The following SCAF8 variants were observed in gnomAD, a reference collection of about 807,000 sequenced individuals.
SCAF8 encodes the protein SR-related CTD associated factor 8.
In SCAF8, 23 loss-of-function variants were observed where a neutral mutation model predicts 140.5. The ratio of observed to expected loss-of-function variants is 0.16; its 90% CI spans 0.12 to 0.23. SCAF8 has a LOEUF of 0.23. Ranked by LOEUF, SCAF8 falls within the 10% of genes least tolerant of loss-of-function variation. The pLI is 1.00. For missense variants in SCAF8, 1,397 were observed against 1,555.7 expected (o/e 0.90, Z 1.72); for synonymous variants, 575 against 528.9 (o/e 1.09, Z -1.20).
chr6:154,792,955 A>G lies in SCAF8; in HGVS notation c.454A>G (p.Thr152Ala), dbSNP rs781107150. 2 of 1,613,558 alleles carry G rather than the reference A, an allele frequency of 1.2e-6. No individual in the cohort carries two copies. Among genetic ancestry groups the G allele is most frequent in the Non-Finnish European group, 1.7e-6 (2 of 1,179,768 alleles). The stretch of plus-strand genomic sequence containing the variant: ...CACACCTGTTTTGGCCAGCACTACC[A>G]CTGCTATGAGCAATACTCCAGGTAT... ...VVTPVLASTT[T>A]AMSNTPGTPV... Residue 152 changes from threonine (T) to alanine (A), a missense_variant, in exon 5 of 20, where the codon ACT becomes GCT. By Grantham distance (58) the Thr-to-Ala change is moderately conservative. This residue lies in a region of SCAF8 where 339 missense variants were observed against 407.5 expected (regional missense o/e 0.83). Transcript: ENST00000367178.
chr6:154,749,594 A>T (rs1778790591), intron 1 of SCAF8, among the ~76,000 whole-genome samples: 1 of 152,190 alleles, frequency 6.6e-6, no homozygotes, highest in African/African-American at 2.4e-5. Flanking sequence ...GTACACTGTG[A>T]TGTATACAGT....
intron 1 of SCAF8, among the ~76,000 whole-genome samples, chr6:154,743,150 C>T (rs1778614347): frequency 6.6e-6 from 1 of 152,176 alleles, no homozygotes; most frequent in Admixed American, 6.5e-5. Context: ...ATGTTGTTTG[C>T]AGCCTGATCC....
intron 2 of SCAF8, 23 bp from the exon 3 acceptor site, chr6:154,777,978 A>T (rs1776965245): frequency 7.0e-7 from 1 of 1,432,418 alleles, no homozygotes; most frequent in African/African-American, 1.4e-5. Flanking sequence ...TTAAAACCAT[A>T]CTTCATTTTT....
intron 3 of SCAF8, among the ~76,000 whole-genome samples, chr6:154,781,814 C>T (rs1777093863): frequency 6.6e-6 from 1 of 152,256 alleles, no homozygotes; most frequent in African/African-American, 2.4e-5. Context: ...ATAGTGAGTA[C>T]ATGTTTCCAT....
intron 17 of SCAF8, among the ~76,000 whole-genome samples, chr6:154,825,463 G>A (rs965104640): frequency 2.6e-5 from 4 of 151,626 alleles, no homozygotes; most frequent in Admixed American, 2.6e-4. Flanking sequence ...TTGCTTGGGT[G>A]CAGGAGTGCA....
intron 18 of SCAF8, among the ~76,000 whole-genome samples, chr6:154,828,288 C>G (rs1006415321): frequency 1.3e-5 from 2 of 151,916 alleles, no homozygotes; most frequent in South Asian, 4.2e-4. Flanking sequence ...ACTTAGTTAC[C>G]TTGAAGTGTG....
intron 1 of SCAF8, among the ~76,000 whole-genome samples, chr6:154,743,254 C>T (rs1374087382): frequency 6.6e-6 from 1 of 152,146 alleles, no homozygotes. Context: ...ATTTTTCAAA[C>T]AGTGGGAAAA....
At chr6:154,825,686 A>T (rs1280190926) in intron 17 of SCAF8, among the ~76,000 whole-genome samples, 16 of 138,258 alleles carry the variant, frequency 1.2e-4, no homozygotes, top group African/African-American at 4.4e-4. Flanking sequence ...AGCTTTTATT[A>T]TTAGACCATG....
chr6:154,790,754 T>C (rs909127169), intron 4 of SCAF8, among the ~76,000 whole-genome samples: 19 of 152,068 alleles, frequency 1.2e-4, no homozygotes, highest in Admixed American at 1.0e-3. Flanking sequence ...TTGTGATCTG[T>C]CCGCCTTGGC....
chr6:154,814,468 T>G (rs2114660230), intron 12 of SCAF8, among the ~76,000 whole-genome samples: 2 of 152,318 alleles, frequency 1.3e-5, no homozygotes, highest in South Asian at 4.1e-4. Context: ...GCTAAGTGAT[T>G]CCTAAAGCTT....
chr6:154,788,036 T>G lies in SCAF8; in HGVS notation c.321+14T>G. On this transcript the variant is annotated intron_variant, in intron 4 of 19. Coordinates refer to ENST00000367178, the MANE Select transcript of SCAF8 (RefSeq NM_014892.5). ...GGGGATGACAAGGTATGCTACTGGT[T>G]TTTTTTTTTTGTTTTTTTAAAAGTA... is the stretch of plus-strand genomic sequence containing the variant. The G allele has an allele frequency of 6.7e-7, 1 of 1,485,678 alleles. No individual in the cohort carries two copies. Among genetic ancestry groups the G allele is most frequent in the South Asian group, 1.3e-5 (1 of 79,594 alleles). 92.0% of individuals were successfully genotyped at this position (1,485,678 alleles called of 1,614,324 possible). A position where few individuals can be genotyped will look rare whatever the true frequency, so the allele number is the denominator to read the frequency against.
chr6:154,827,844 G>GT (rs1033304488), intron 18 of SCAF8, among the ~76,000 whole-genome samples: 3 of 148,734 alleles, frequency 2.0e-5, no homozygotes, highest in East Asian at 2.0e-4. Context: ...CGGGGGGGGG[G>GT]GCGGTGTAAA....
chr6:154,790,005 G>C (rs925619441), intron 4 of SCAF8, among the ~76,000 whole-genome samples: 1 of 152,170 alleles, frequency 6.6e-6, no homozygotes, highest in Non-Finnish European at 1.5e-5. Context: ...TTGGATTTCT[G>C]TCAGTTCTGG....
chr6:154,813,099 CAAG>C (rs1471014396), intron 12 of SCAF8, among the ~76,000 whole-genome samples: 2 of 151,324 alleles, frequency 1.3e-5, no homozygotes, highest in African/African-American at 4.9e-5. Context: ...CCCAGCTACT[CAAG>C]AAAGAGGTGG....
At chr6:154,786,909 T>G (rs1017916968) in intron 3 of SCAF8, among the ~76,000 whole-genome samples, 1 of 152,238 alleles carries the variant, frequency 6.6e-6, no homozygotes, top group African/African-American at 2.4e-5. Context: ...TGCCATTTTA[T>G]GTAGCAAAAA....
intron 8 of SCAF8, 27 bp from the exon 9 acceptor site, chr6:154,805,342 T>C: frequency 7.4e-7 from 1 of 1,353,080 alleles, no homozygotes; most frequent in Non-Finnish European, 1.1e-6. Flanking sequence ...GGTTTTAAAA[T>C]ATGTTTCCAC....
chr6:154,784,147 A>T (rs1386584224), intron 3 of SCAF8, among the ~76,000 whole-genome samples: 3 of 97,970 alleles, frequency 3.1e-5, no homozygotes, highest in African/African-American at 8.7e-5. Context: ...ATATATATAT[A>T]TATATATATA....
At chr6:154,734,023 G>T in intron 1 of SCAF8, 93 bp downstream of exon 1, 17 of 1,420,184 alleles carry the variant, frequency 1.2e-5, no homozygotes, top group Non-Finnish European at 1.6e-5. Flanking sequence ...GGGCCTGCGG[G>T]TTTTTTAAGG....
intron 12 of SCAF8, among the ~76,000 whole-genome samples, chr6:154,810,930 T>C (rs1778071500): frequency 6.6e-6 from 1 of 152,236 alleles, no homozygotes; most frequent in Non-Finnish European, 1.5e-5. Flanking sequence ...TGTTATCTAA[T>C]TTCTGAAGAC....
Sources: allele counts gnomAD v4.1 joint callset (sites outside exome capture counted in the v4.1 genomes callset), GRCh38; gene constraint gnomAD v4.1.1; regional missense constraint gnomAD v4.1.1; transcripts MANE v1.5; gene names NCBI Gene and HGNC (gene_info 2026-07-23, HGNC 2026-07-21).